IL1RAPL2: variants seen among roughly 807,000 people sequenced by gnomAD.
IL1RAPL2 encodes the protein X-linked interleukin-1 receptor accessory protein-like 2.
IL1RAPL2 carries 3 observed loss-of-function variants against 44.1 expected under a neutral mutation model. The ratio of observed to expected loss-of-function variants is 0.07; its 90% confidence interval spans 0.03 to 0.18. The LOEUF (loss-of-function observed/expected upper bound fraction) is 0.18. IL1RAPL2 is among the 10% of genes least tolerant of loss of function. IL1RAPL2 has a pLI of 1.00. For missense variants in IL1RAPL2, 391 were observed against 496.4 expected, an observed-to-expected ratio of 0.79 and a Z score of 2.02; for synonymous variants, 181 against 178.8, an observed-to-expected ratio of 1.01 and a Z score of -0.10.
intron 2 of IL1RAPL2, among the ~76,000 whole-genome samples, chrX:104,934,864 T>A (rs1415070286): frequency 8.9e-6 from 1 of 111,865 alleles, no homozygotes; most frequent in Non-Finnish European, 1.9e-5. Context: ...GGATTGTAAA[T>A]AATACGAAAT....
In IL1RAPL2 at chrX:104,997,319, A is replaced by G. The variant is rs572999187; in HGVS notation, c.83-198156A>G. 3.0e-4 allele frequency among the ~76,000 whole-genome samples: 34 copies of G among 112,280 alleles called. No individual in the cohort carries two copies. In the Middle Eastern group the frequency reaches 0.018, roughly 61 times the overall value. On this transcript the variant is annotated intron_variant, in intron 2 of 10. Coordinates refer to ENST00000372582, the MANE Select transcript of IL1RAPL2 (RefSeq NM_017416.2). Reference sequence around the variant, plus strand: ...GGATATACTAGGATAAACAAAATATATTAGTATTGGGTTAACCAAAATTAT... The same window carrying G: ...GGATATACTAGGATAAACAAAATATGTTAGTATTGGGTTAACCAAAATTAT...
intron 2 of IL1RAPL2, among the ~76,000 whole-genome samples, chrX:105,043,724 G>A (rs1194265036): frequency 9.0e-6 from 1 of 111,028 alleles, no homozygotes; most frequent in African/African-American, 3.3e-5. Context: ...TACCACTACT[G>A]TTTACAAGTC....
intron 2 of IL1RAPL2, among the ~76,000 whole-genome samples, chrX:105,062,250 G>A (rs1169144925): frequency 9.0e-6 from 1 of 111,454 alleles, no homozygotes; most frequent in Non-Finnish European, 1.9e-5. Context: ...TCTAATAGCT[G>A]AATATTTTAA....
In IL1RAPL2 at chrX:105,518,186, A is replaced by G. The variant is rs149695513; in HGVS notation, c.772+33799A>G. 1.0e-3 allele frequency among the ~76,000 whole-genome samples: 114 copies of G among 110,451 alleles called. No individual in the cohort carries two copies. The East Asian group carries it at 0.024, about 23-fold the overall frequency. ...AAATATAGAGAATTAGAATCTGAAC[A>G]TATAGACTAGACTCCTGGGTCTTCT... On this transcript the variant is annotated intron_variant, in intron 6 of 10. Transcript: ENST00000372582.
intron 8 of IL1RAPL2, among the ~76,000 whole-genome samples, chrX:105,748,743 A>G (rs2038571017): frequency 8.9e-6 from 1 of 112,401 alleles, no homozygotes; most frequent in South Asian, 3.7e-4. Flanking sequence ...TTTCAGATAG[A>G]CTTACCACTT....
chrX:105,233,109 C>A (rs1174104662), intron 3 of IL1RAPL2, among the ~76,000 whole-genome samples: 7 of 111,360 alleles, frequency 6.3e-5, no homozygotes, highest in Non-Finnish European at 1.3e-4. Context: ...GGGTGAAACC[C>A]CGTCTCTACT....
intron 5 of IL1RAPL2, among the ~76,000 whole-genome samples, chrX:105,453,822 A>G (rs2036036515): frequency 1.8e-5 from 2 of 111,995 alleles, no homozygotes; most frequent in Non-Finnish European, 3.8e-5. Flanking sequence ...GAAAGAAACA[A>G]ATGCTAAATA....
intron 10 of IL1RAPL2, among the ~76,000 whole-genome samples, chrX:105,759,812 G>C (rs1280962676): frequency 8.9e-6 from 1 of 112,051 alleles, no homozygotes; most frequent in Non-Finnish European, 1.9e-5. Flanking sequence ...CACTTCTGAA[G>C]TGAGGCATGC....
chrX:105,178,071 A>C (rs1185363682), intron 2 of IL1RAPL2, among the ~76,000 whole-genome samples: 1 of 111,525 alleles, frequency 9.0e-6, no homozygotes, highest in African/African-American at 3.3e-5. Context: ...GAAAAATTAG[A>C]TCTTGTTTCT....
chrX:105,565,731 A>G (rs914018538), intron 6 of IL1RAPL2, among the ~76,000 whole-genome samples: 2 of 112,206 alleles, frequency 1.8e-5, no homozygotes, highest in Non-Finnish European at 3.8e-5. Flanking sequence ...CTCTTCCATC[A>G]AAGTCTATAC....
At chrX:104,758,457 G>A (rs778861642) in intron 2 of IL1RAPL2, among the ~76,000 whole-genome samples, 5 of 110,457 alleles carry the variant, frequency 4.5e-5, no homozygotes. Flanking sequence ...CCCTTCTCTG[G>A]TGGTGACTCA....
intron 2 of IL1RAPL2, among the ~76,000 whole-genome samples, chrX:104,867,331 C>T (rs770353399): frequency 2.7e-5 from 3 of 109,877 alleles, no homozygotes; most frequent in African/African-American, 9.9e-5. Context: ...TATCACAAGG[C>T]GGTAGATACG....
chrX:104,764,605 G>T (rs767713664), intron 2 of IL1RAPL2, among the ~76,000 whole-genome samples: 2 of 111,637 alleles, frequency 1.8e-5, no homozygotes, highest in Non-Finnish European at 3.8e-5. Context: ...AATAACAGTG[G>T]TGATAGTGGG....
At chrX:105,133,608 CA>C (rs768119002) in intron 2 of IL1RAPL2, among the ~76,000 whole-genome samples, 3 of 111,543 alleles carry the variant, frequency 2.7e-5, no homozygotes, top group Non-Finnish European at 5.7e-5. Flanking sequence ...GCTGCTATAA[CA>C]AAATACTTTA....
rs755675971 is a variant in IL1RAPL2, at chrX:105,094,603, T to G, written c.83-100872T>G. 4.5e-5 allele frequency among the ~76,000 whole-genome samples: 5 copies of G among 111,629 alleles called. No individual in the cohort carries two copies. The East Asian group carries it at 8.4e-4, about 19-fold the overall frequency. ...CTGATTACTATAGCTTTGTAAGTTG[T>G]GAAATCAAGAAGTATGATACTGCAA... On this transcript the variant is annotated intron_variant, in intron 2 of 10. Transcript: ENST00000372582.
intron 5 of IL1RAPL2, among the ~76,000 whole-genome samples, chrX:105,479,367 CAT>C (rs1392463075): frequency 2.7e-5 from 3 of 111,354 alleles, no homozygotes; most frequent in Admixed American, 9.6e-5. Context: ...AGCCAAGATG[CAT>C]AGTTGGAAAT....
rs1365896538 is a variant in IL1RAPL2 at position 105,670,142 on chromosome X, T to TATATATATATATATATATATATAA, written c.773-47219_773-47218insATATATATATATATATAAATATAT. Among the ~76,000 whole-genome samples the TATATATATATATATATATATATAA allele has an allele frequency of 2.1e-4, 11 of 52,975 alleles. 1 individual carries two copies. The highest frequency in any genetic ancestry group is 7.4e-4 in the African/African-American group (10 of 13,469). The allele number at this position is 52,975 out of a possible 115,157, so 46.0% of individuals were successfully genotyped here. ...ATATATATATATATATATATATATA[T>TATATATATATATATATATATATAA]ATATATCTCCACCAGACCACACAGT... On this transcript the variant is annotated intron_variant, in intron 6 of 10. Transcript: ENST00000372582.
intron 2 of IL1RAPL2, among the ~76,000 whole-genome samples, chrX:105,061,758 C>G (rs76402949): frequency 2.7e-5 from 3 of 111,897 alleles, no homozygotes; most frequent in Non-Finnish European, 5.7e-5. Flanking sequence ...TTGTTATATC[C>G]TCTTGCTGAA....
At chrX:104,714,843 G>A (rs1418342912) in intron 2 of IL1RAPL2, among the ~76,000 whole-genome samples, 2 of 111,190 alleles carry the variant, frequency 1.8e-5, no homozygotes, top group Non-Finnish European at 3.8e-5. Flanking sequence ...CTTGATCATA[G>A]TGAATAAGCT....
Sources: gnomAD v4.1 joint callset for allele counts (sites outside exome capture counted in the v4.1 genomes callset) on GRCh38, gnomAD v4.1.1 for gene constraint, MANE v1.5 for transcripts, NCBI Gene and HGNC (gene_info 2026-07-23, HGNC 2026-07-21) for gene names.